Variants in FZD3 observed in about 807,000 individuals in gnomAD.
FZD3 encodes the protein frizzled-3.
In FZD3, 30 loss-of-function variants were observed where a neutral mutation model predicts 60.7. That is an observed-to-expected ratio of 0.49 (90% CI 0.37 to 0.67). The LOEUF (loss-of-function observed/expected upper bound fraction) is 0.67, where lower values mean the gene tolerates loss of function less well. Among genes scored for constraint, FZD3 ranks in the 30% least tolerant of loss-of-function variants. The probability of loss-of-function intolerance (pLI) is 0.00; values close to 1 mark genes in which losing one functional copy is unlikely to be tolerated. For synonymous variants in FZD3, 246 were observed against 275.2 expected (o/e 0.89, Z 1.05); for missense variants, 605 against 838.7 (o/e 0.72, Z 3.44).
chr8:28,503,118 G>T lies in FZD3; in HGVS notation c.105G>T (p.Met35Ile), dbSNP rs1217023844. The change falls in exon 3 of 8, where the codon ATG becomes ATT. Residue 35 changes from methionine (M) to isoleucine (I), a missense_variant. Transcript: ENST00000240093. ...CTTGTGAACCTATTACCTTGAGGAT[G>T]TGCCAAGATTTGCCTTATAATACTA... ...LFSCEPITLR[M>I]CQDLPYNTTF... 13 of 1,612,960 alleles carry T rather than the reference G, an allele frequency of 8.1e-6. No individual in the cohort carries two copies. Among genetic ancestry groups the T allele is most frequent in the African/African-American group, 1.3e-5 (1 of 74,876 alleles).
At chr8:28,509,662 A>G (rs1452433657) in intron 3 of FZD3, among the ~76,000 whole-genome samples, 1 of 152,040 alleles carries the variant, frequency 6.6e-6, no homozygotes, top group African/African-American at 2.4e-5. Context: ...TGACCACTCT[A>G]TGTATTTCGT....
chr8:28,527,244 G>T lies in FZD3; in HGVS notation c.484G>T (p.Gly162Cys). The T allele has an allele frequency of 6.2e-7, 1 of 1,613,974 alleles. No individual in the cohort carries two copies. The highest frequency in any genetic ancestry group is 8.5e-7 in the Non-Finnish European group (1 of 1,179,906). The change falls in exon 5 of 8, where the codon GGT (glycine) becomes TGT (cysteine). Residue 162 changes from glycine to cysteine, a missense_variant. Coordinates refer to ENST00000240093, the MANE Select transcript of FZD3 (RefSeq NM_017412.4). The surrounding 1 kb of genome is among the most constrained non-coding windows in gnomAD (Gnocchi z 5.0). ...CCCAGTGGCAGTGCAGAGAGACTAT[G>T]GTTTTTGGTGTCCCCGAGAGTTAAA... ...GAPVAVQRDYGFWCPRELKID... is the reference protein window; with the variant it reads ...GAPVAVQRDYCFWCPRELKID...
chr8:28,516,677 T>G (rs1804435554), intron 3 of FZD3, among the ~76,000 whole-genome samples: 1 of 151,344 alleles, frequency 6.6e-6, no homozygotes, highest in Non-Finnish European at 1.5e-5. Flanking sequence ...AATTTTCTGT[T>G]GGTGGTTTTT....
chr8:28,512,082 C>T (rs1437933193), intron 3 of FZD3, among the ~76,000 whole-genome samples: 1 of 152,064 alleles, frequency 6.6e-6, no homozygotes, highest in East Asian at 1.9e-4. Flanking sequence ...CCAAGGTTAC[C>T]ACATACTTTT....
chr8:28,503,611 A>T (rs1046199594), intron 3 of FZD3, among the ~76,000 whole-genome samples: 1 of 152,214 alleles, frequency 6.6e-6, no homozygotes, highest in Non-Finnish European at 1.5e-5. Flanking sequence ...GACATTTCTT[A>T]ATTATTTTAG....
At chr8:28,534,322 A>G (rs190542344) in intron 5 of FZD3, among the ~76,000 whole-genome samples, 1 of 152,264 alleles carries the variant, frequency 6.6e-6, no homozygotes, top group African/African-American at 2.4e-5. Flanking sequence ...ACCTCCATCC[A>G]TTTCCAGTAA....
intron 3 of FZD3, among the ~76,000 whole-genome samples, chr8:28,506,307 A>G (rs1014086441): frequency 1.6e-4 from 24 of 152,350 alleles, no homozygotes; most frequent in African/African-American, 5.8e-4. Flanking sequence ...GTATTCTGTC[A>G]CTAACTAGGT....
Position 28,551,762 on chromosome 8 carries a change from A to G in FZD3, c.1553+11A>G. The G allele has an allele frequency of 6.3e-7, 1 of 1,595,834 alleles. No homozygotes were observed. On this transcript the variant is annotated intron_variant, in intron 6 of 7. Coordinates refer to ENST00000240093, the MANE Select transcript of FZD3 (RefSeq NM_017412.4). ...TCGTAGGAAAAAAGAGTAAGTTGAAATAAATGATCACAGTGTTCACAAACC... is the reference window on the plus strand; with the variant it reads ...TCGTAGGAAAAAAGAGTAAGTTGAAGTAAATGATCACAGTGTTCACAAACC...
intron 5 of FZD3, among the ~76,000 whole-genome samples, chr8:28,539,535 T>C (rs1805107491): frequency 6.6e-6 from 1 of 152,178 alleles, no homozygotes; most frequent in Non-Finnish European, 1.5e-5. Context: ...CAGTGTAGTG[T>C]AGTTAAAAAG....
At position 28,563,152 on chromosome 8, in the gene FZD3, T is replaced by C. The variant is rs561436376; in HGVS notation, c.*141T>C. 4.7e-6 allele frequency: 3 copies of C among 637,066 alleles called. No individual in the cohort carries two copies. In the African/African-American group the frequency reaches 5.5e-5, roughly 12 times the overall value. 39.5% of individuals were successfully genotyped at this position (637,066 alleles called of 1,614,324 possible). Reference sequence around the variant, plus strand: ...TTGTGTCCACTGGAAAGGTAAATGATTGCTTTTTTATATTGCATCAAACTT... The same window carrying C: ...TTGTGTCCACTGGAAAGGTAAATGACTGCTTTTTTATATTGCATCAAACTT... On this transcript the variant is annotated 3_prime_UTR_variant, in exon 8 of 8. Transcript: ENST00000240093.
chr8:28,520,301 G>T (rs1246012152), intron 3 of FZD3, among the ~76,000 whole-genome samples: 1 of 151,512 alleles, frequency 6.6e-6, no homozygotes, highest in African/African-American at 2.4e-5. Context: ...CACCAATCTA[G>T]TCACACTTTT....
chr8:28,555,639 A>G (rs1805494194), intron 6 of FZD3, 99 bp from the exon 7 acceptor site: 2 of 732,670 alleles, frequency 2.7e-6, no homozygotes, highest in African/African-American at 3.5e-5. Flanking sequence ...TTTGGCAAGC[A>G]ATTAATTTCA....
At chr8:28,519,730 TAA>T (rs58605065) in intron 3 of FZD3, among the ~76,000 whole-genome samples, 73,200 of 135,458 alleles carry the variant, frequency 0.54, 19,661 homozygotes, top group South Asian at 0.64. Flanking sequence ...ACCCTGTCTT[TAA>T]AAAAAAAAAA....
chr8:28,496,703 G>T (rs1803853964), intron 1 of FZD3, among the ~76,000 whole-genome samples: 1 of 152,142 alleles, frequency 6.6e-6, no homozygotes, highest in Non-Finnish European at 1.5e-5. Flanking sequence ...GTCAAAAAAT[G>T]AGTTTCCTCT....
intron 3 of FZD3, among the ~76,000 whole-genome samples, chr8:28,517,350 G>C (rs1180667257): frequency 1.3e-5 from 2 of 152,122 alleles, no homozygotes; most frequent in African/African-American, 4.8e-5. Context: ...TCCACTGACT[G>C]CCCTTAACAT....
At chr8:28,547,495 C>T (rs1336934495) in intron 5 of FZD3, among the ~76,000 whole-genome samples, 1 of 152,076 alleles carries the variant, frequency 6.6e-6, no homozygotes, top group African/African-American at 2.4e-5. Flanking sequence ...ATGAATTTAC[C>T]TCTCCATCAC....
chr8:28,542,908 G>A (rs1016737244), intron 5 of FZD3, among the ~76,000 whole-genome samples: 3 of 152,170 alleles, frequency 2.0e-5, no homozygotes, highest in Admixed American at 6.5e-5. Flanking sequence ...TTAATTAGCT[G>A]TGTGACCTTG....
chr8:28,555,094 T>A (rs1805485247), intron 6 of FZD3, among the ~76,000 whole-genome samples: 2 of 152,182 alleles, frequency 1.3e-5, no homozygotes, highest in Admixed American at 1.3e-4. Flanking sequence ...ATGTTTCCCT[T>A]TAAGCTTCTA....
intron 3 of FZD3, among the ~76,000 whole-genome samples, chr8:28,511,079 C>T (rs1050831489): frequency 3.3e-5 from 5 of 151,878 alleles, no homozygotes; most frequent in Admixed American, 1.3e-4. Flanking sequence ...CGGCAAGGTG[C>T]GGTGGCTCAT....
Sources: allele counts gnomAD v4.1 joint callset (sites outside exome capture counted in the v4.1 genomes callset), GRCh38; gene constraint gnomAD v4.1.1; non-coding constraint Gnocchi (gnomAD v3.1); transcripts MANE v1.5; gene names NCBI Gene and HGNC (gene_info 2026-07-23, HGNC 2026-07-21).